The following DNAAF8 variants were observed in gnomAD, a reference collection of about 807,000 sequenced individuals.
The protein encoded by DNAAF8 is dynein axonemal assembly factor 8, also known as dynein axonemal-associated protein 1.
Under a neutral mutation model 54.6 loss-of-function variants are expected in DNAAF8, and 61 were observed. The observed-to-expected ratio is 1.12, with a 90% CI of 0.91 to 1.38. The LOEUF is 1.38. Among genes scored for constraint, DNAAF8 ranks in the 40% most tolerant of loss-of-function variants. The probability of loss-of-function intolerance (pLI) is 0.00; values close to 1 mark genes in which losing one functional copy is unlikely to be tolerated. For missense variants in DNAAF8, 837 were observed against 665.0 expected (o/e 1.26, Z -2.85); for synonymous variants, 320 against 270.1 (o/e 1.18, Z -1.81).
At chr16:4,737,096 C>A (rs936339087) in intron 2 of DNAAF8, among the ~76,000 whole-genome samples, 1 of 152,110 alleles carries the variant, frequency 6.6e-6, no homozygotes, top group African/African-American at 2.4e-5. Flanking sequence ...AAATGGCTCT[C>A]AAAGACGCTC....
chr16:4,742,302 C>A (rs1479725591), intron 4 of DNAAF8, among the ~76,000 whole-genome samples: 2 of 152,044 alleles, frequency 1.3e-5, no homozygotes, highest in African/African-American at 4.8e-5. Flanking sequence ...TGCCTGTAAT[C>A]ACAACATTTT....
At chr16:4,738,015 C>G (rs759908350) in intron 3 of DNAAF8, 69 bp downstream of exon 3, 2 of 1,528,482 alleles carry the variant, frequency 1.3e-6, no homozygotes, top group Non-Finnish European at 1.8e-6. Flanking sequence ...TGGTCTAAAC[C>G]ACTGTTCTAG....
chr16:4,737,567 G>A (rs1039340258), intron 2 of DNAAF8, among the ~76,000 whole-genome samples: 8 of 152,172 alleles, frequency 5.3e-5, no homozygotes, highest in Non-Finnish European at 1.0e-4. Context: ...TCACCTCCAC[G>A]AGGTTGTGCT....
intron 3 of DNAAF8, among the ~76,000 whole-genome samples, chr16:4,739,265 G>GTTTTTTTCTTTTTTTTTTTTT (rs2081931693): frequency 1.4e-5 from 1 of 69,030 alleles, no homozygotes; most frequent in African/African-American, 5.4e-5. Context: ...ATTTTTTCTT[G>GTTTTTTTCTTTTTTTTTTTTT]TTTTTTTTTT....
chr16:4,735,365 ACCAAG>A (rs2081872021), intron 1 of DNAAF8: 1 of 152,190 alleles, frequency 6.6e-6, no homozygotes, highest in Admixed American at 6.6e-5. Context: ...TTCAGAGTGC[ACCAAG>A]CACCTGCCCT....
intron 9 of DNAAF8, among the ~76,000 whole-genome samples, chr16:4,748,056 C>T (rs2082040240): frequency 6.6e-6 from 1 of 151,992 alleles, no homozygotes; most frequent in South Asian, 2.1e-4. Flanking sequence ...TTGAAAGAGA[C>T]CTAAGCCTTA....
rs1185326541 is a variant in DNAAF8 at position 4,746,457 on chromosome 16, A to G, written c.1126A>G (p.Thr376Ala). Reference sequence around the variant, plus strand: ...CATGAGGCTTAACGCAGAGTCCCCCACCATCTTTATTGACCTGCGGCAGAT... The same window carrying G: ...CATGAGGCTTAACGCAGAGTCCCCCGCCATCTTTATTGACCTGCGGCAGAT... Reference protein sequence around the residue: ...QGMRLNAESPTIFIDLRQMEL... With the variant: ...QGMRLNAESPAIFIDLRQMEL... Residue 376 changes from threonine (T) to alanine (A), a missense_variant, in exon 7 of 10, where the codon ACC becomes GCC. Transcript: ENST00000299320. 3 of 1,613,582 alleles carry G rather than the reference A, an allele frequency of 1.9e-6. No individual in the cohort carries two copies. The highest frequency in any genetic ancestry group is 2.5e-6 in the Non-Finnish European group (3 of 1,179,970).
chr16:4,743,020 A>C, intron 4 of DNAAF8, 23 bp from the exon 5 acceptor site: 2 of 1,563,666 alleles, frequency 1.3e-6, no homozygotes, highest in Non-Finnish European at 1.8e-6. Context: ...CATCCTCATA[A>C]TCACTGGTTT....
At position 4,746,367 on chromosome 16, in the gene DNAAF8, C is replaced by T; in HGVS notation, c.1044-8C>T. Reference sequence around the variant, plus strand: ...CTGACTCCACAACACCTGCTTTTCTCATTTCAGATGTGCCTCAAGGAAGCA... The same window carrying T: ...CTGACTCCACAACACCTGCTTTTCTTATTTCAGATGTGCCTCAAGGAAGCA... On this transcript the variant is annotated splice_polypyrimidine_tract_variant and splice_region_variant and intron_variant, in intron 6 of 9. Coordinates refer to ENST00000299320, the MANE Select transcript of DNAAF8 (RefSeq NM_139170.3). 6.2e-7 allele frequency: 1 copy of T among 1,608,450 alleles called. No individual in the cohort carries two copies. The highest frequency in any genetic ancestry group is 1.1e-5 in the South Asian group (1 of 90,618).
Position 4,746,995 on chromosome 16 carries a change from A to G in DNAAF8, c.1250A>G (p.Glu417Gly), listed in dbSNP as rs2082025611. 3 of 1,541,594 alleles carry G rather than the reference A, an allele frequency of 1.9e-6. No homozygotes were observed. The highest frequency in any genetic ancestry group is 1.7e-4 in the Middle Eastern group (1 of 5,826). The change falls in exon 8 of 10, where the codon GAG becomes GGG. Residue 417 changes from glutamate (E) to glycine (G), a missense_variant. By Grantham distance (98) the Glu-to-Gly change is moderately conservative (BLOSUM62 -2). Transcript: ENST00000299320. ...EEEMAALGDAEGASPSSLGLR... is the reference protein window; with the variant it reads ...EEEMAALGDAGGASPSSLGLR... ...GAGATGGCAGCTCTGGGAGACGCAG[A>G]GGGGGCATCTCCTTCCTCCCTGGGG...
chr16:4,735,651 A>G (rs1272561193), intron 1 of DNAAF8, among the ~76,000 whole-genome samples: 1 of 152,016 alleles, frequency 6.6e-6, no homozygotes, highest in Non-Finnish European at 1.5e-5. Context: ...AAAAAAAAAA[A>G]ATCACTTAGT....
intron 1 of DNAAF8, among the ~76,000 whole-genome samples, chr16:4,736,008 T>C (rs2081891468): frequency 6.6e-6 from 1 of 151,200 alleles, no homozygotes; most frequent in South Asian, 2.1e-4. Context: ...CAGTAAAGGG[T>C]AGTAGGACTT....
intron 8 of DNAAF8, 122 bp downstream of exon 8, chr16:4,747,147 A>C: frequency 8.3e-7 from 1 of 1,208,626 alleles, no homozygotes; most frequent in Non-Finnish European, 1.2e-6. Context: ...GCACAGGGTG[A>C]GGGGGACGGC....
chr16:4,747,431 C>G lies in DNAAF8; in HGVS notation c.1369C>G (p.Pro457Ala), dbSNP rs142065357. 5.3e-5 allele frequency: 86 copies of G among 1,612,904 alleles called. No individual in the cohort carries two copies. In the African/African-American group the frequency reaches 1.1e-3, roughly 21 times the overall value. ...AQPELPASKG[P>A]AGGRAQAPED... ...GCCCGAGCTGCCTGCCAGCAAGGGGCCCGCGGGTGGGAGGGCTCAGGCCCC... is the reference window on the plus strand; with the variant it reads ...GCCCGAGCTGCCTGCCAGCAAGGGGGCCGCGGGTGGGAGGGCTCAGGCCCC... Residue 457 changes from proline to alanine, a missense_variant, in exon 9 of 10, where the codon CCC (proline) becomes GCC (alanine). Physicochemically the swap from Pro to Ala is conservative, Grantham distance 27. Coordinates refer to ENST00000299320, the MANE Select transcript of DNAAF8 (RefSeq NM_139170.3).
chr16:4,743,208 C>T (rs776282041), intron 5 of DNAAF8, 48 bp downstream of exon 5: 3 of 1,365,592 alleles, frequency 2.2e-6, no homozygotes, highest in Non-Finnish European at 2.0e-6. Context: ...CAAGCAGCAC[C>T]TTCCTGGGCC....
In DNAAF8 at chr16:4,746,491, C is replaced by T; in HGVS notation, c.1160C>T (p.Pro387Leu). The T allele has an allele frequency of 6.2e-7, 1 of 1,613,738 alleles. No homozygotes were observed. The highest frequency in any genetic ancestry group is 8.5e-7 in the Non-Finnish European group (1 of 1,180,016). Residue 387 changes from proline to leucine, a missense_variant, in exon 7 of 10, where the codon CCA becomes CTA. By Grantham distance (98) the Pro-to-Leu change is moderately conservative. Coordinates refer to ENST00000299320, the MANE Select transcript of DNAAF8 (RefSeq NM_139170.3). ...IFIDLRQMELPDHLSPESSSH... is the reference protein window; with the variant it reads ...IFIDLRQMELLDHLSPESSSH... ...ATTGACCTGCGGCAGATGGAGCTAC[C>T]AGACCACCTGTCCCCAGAAAGGTCC...
rs1306917893 is a variant in DNAAF8, at chr16:4,738,008, T to G, written c.276+62T>G. On this transcript the variant is annotated intron_variant, in intron 3 of 9. Coordinates refer to ENST00000299320, the MANE Select transcript of DNAAF8 (RefSeq NM_139170.3). The stretch of plus-strand genomic sequence containing the variant: ...TGCGATGTTAGTCTAAACTGACTGG[T>G]CTAAACCACTGTTCTAGCATTTCCA... 4 of 1,544,754 alleles carry G rather than the reference T, an allele frequency of 2.6e-6. No homozygotes were observed. In the African/African-American group the frequency reaches 5.5e-5, roughly 21 times the overall value.
At chr16:4,735,654 CACTT>C (rs2081881920) in intron 1 of DNAAF8, among the ~76,000 whole-genome samples, 1 of 151,186 alleles carries the variant, frequency 6.6e-6, no homozygotes, top group Admixed American at 6.6e-5. Flanking sequence ...AAAAAAAAAT[CACTT>C]AGTGACTCCA....
In DNAAF8 at chr16:4,747,378, T is replaced by A. The variant is rs1268652162; in HGVS notation, c.1316T>A (p.Leu439His). 3 of 1,607,392 alleles carry A rather than the reference T, an allele frequency of 1.9e-6. No homozygotes were observed. In the African/African-American group the frequency reaches 4.0e-5, roughly 21 times the overall value. The part of the protein sequence containing the change: ...CTGKSQLLQQ[L>H]RAFQKGTAQP... ...GGGAAAAGCCAGCTTCTCCAGCAGC[T>A]CAGGGCCTTTCAGAAGGGGACAGCC... Residue 439 changes from leucine (L) to histidine (H), a missense_variant, in exon 9 of 10, where the codon CTC becomes CAC. Physicochemically the swap from Leu to His is moderately conservative, Grantham distance 99. Transcript: ENST00000299320.
Sources: gnomAD v4.1 joint callset for allele counts (sites outside exome capture counted in the v4.1 genomes callset) on GRCh38, gnomAD v4.1.1 for gene constraint, MANE v1.5 for transcripts, NCBI Gene and HGNC (gene_info 2026-07-23, HGNC 2026-07-21) for gene names.